Variants in WDR70 observed in about 807,000 individuals in gnomAD.
WDR70 encodes the protein WD repeat-containing protein 70.
A neutral mutation model predicts 88.6 loss-of-function variants in WDR70; 53 were observed. The ratio of observed to expected loss-of-function variants is 0.60; its 90% CI spans 0.48 to 0.75. The LOEUF (loss-of-function observed/expected upper bound fraction) is 0.75, where lower values mean the gene tolerates loss of function less well. WDR70 is among the 30% of genes least tolerant of loss of function. WDR70 has a pLI of 0.00. For synonymous variants in WDR70, 280 were observed against 270.0 expected (o/e 1.04, Z -0.36); for missense variants, 610 against 823.2 (o/e 0.74, Z 3.17).
rs1471245577 is a variant in WDR70, at chr5:37,605,070, G to T, written c.924G>T (p.Val308=). The change falls in exon 10 of 18, where the codon GTG becomes GTT. Residue 308 remains valine, a synonymous_variant. Transcript: ENST00000265107. ...EFMTCSNDAT[V]RTWEVENPKK... ...ATCTCCTGATCATTTTTAGGACTGT[G>T]AGGACGTGGGAAGTTGAAAATCCAA... 6.2e-7 allele frequency: 1 copy of T among 1,605,122 alleles called. No individual in the cohort carries two copies. Among genetic ancestry groups the T allele is most frequent in the South Asian group, 1.1e-5 (1 of 89,272 alleles).
intron 10 of WDR70, among the ~76,000 whole-genome samples, chr5:37,611,550 T>TA (rs1744192389): frequency 4.6e-5 from 7 of 151,852 alleles, no homozygotes; most frequent in Admixed American, 1.3e-4. Flanking sequence ...GGAGATTTTT[T>TA]TAAAAAAATG....
intron 9 of WDR70, among the ~76,000 whole-genome samples, chr5:37,595,602 T>TC (rs1743679081): frequency 6.6e-6 from 1 of 152,204 alleles, no homozygotes; most frequent in Admixed American, 6.5e-5. Flanking sequence ...GTTCTAAAAT[T>TC]CATCTGGAAA....
At chr5:37,670,424 C>T (rs1015495675) in intron 10 of WDR70, among the ~76,000 whole-genome samples, 5 of 152,066 alleles carry the variant, frequency 3.3e-5, no homozygotes, top group African/African-American at 4.8e-5. Flanking sequence ...CAAAGCAAGT[C>T]GCGTGTCCAT....
At chr5:37,393,383 C>G (rs1472752195) in intron 4 of WDR70, among the ~76,000 whole-genome samples, 1 of 152,096 alleles carries the variant, frequency 6.6e-6, no homozygotes, top group Non-Finnish European at 1.5e-5. Flanking sequence ...TAGTTCTGCT[C>G]TGATTTTTTT....
chr5:37,570,983 A>G (rs1035260735), intron 9 of WDR70, among the ~76,000 whole-genome samples: 1 of 151,958 alleles, frequency 6.6e-6, no homozygotes, highest in African/African-American at 2.4e-5. Context: ...CTGACAAGAT[A>G]TTGAATTCCT....
At position 37,514,485 on chromosome 5, in the gene WDR70, C is replaced by G. The variant is rs902377827; in HGVS notation, c.841-2029C>G. Among the ~76,000 whole-genome samples the G allele has an allele frequency of 2.0e-5, 3 of 150,430 alleles. No individual in the cohort carries two copies. In the South Asian group the frequency reaches 6.4e-4, roughly 32 times the overall value. Reference sequence around the variant, plus strand: ...TGGTGATTTGCTGCACAGATCAACCCGTCACCTAGGTATTAACCCCAGCAT... The same window carrying G: ...TGGTGATTTGCTGCACAGATCAACCGGTCACCTAGGTATTAACCCCAGCAT... On this transcript the variant is annotated intron_variant, in intron 8 of 17. Coordinates refer to ENST00000265107, the MANE Select transcript of WDR70 (RefSeq NM_018034.4).
At chr5:37,644,630 CTT>C (rs1010833332) in intron 10 of WDR70, among the ~76,000 whole-genome samples, 2 of 151,814 alleles carry the variant, frequency 1.3e-5, no homozygotes, top group Non-Finnish European at 3.0e-5. Context: ...TGCTGGGAAA[CTT>C]TATTATGGCT....
At chr5:37,586,299 A>T (rs569976609) in intron 9 of WDR70, among the ~76,000 whole-genome samples, 1 of 152,212 alleles carries the variant, frequency 6.6e-6, no homozygotes, top group Non-Finnish European at 1.5e-5. Context: ...CATTCTACTG[A>T]CATTGCTCTT....
chr5:37,694,883 T>G (rs1208571006), intron 10 of WDR70, among the ~76,000 whole-genome samples: 1 of 152,008 alleles, frequency 6.6e-6, no homozygotes, highest in Admixed American at 6.6e-5. Flanking sequence ...TTAGTCATGC[T>G]ACTCCTCTGC....
Position 37,694,378 on chromosome 5 carries a change from C to G in WDR70, c.1093-3277C>G, listed in dbSNP as rs151295936. 1.7e-3 allele frequency among the ~76,000 whole-genome samples: 257 copies of G among 152,220 alleles called. 1 individual carries two copies. Among genetic ancestry groups the G allele is most frequent in the Non-Finnish European group, 2.7e-3 (184 of 68,004 alleles). On this transcript the variant is annotated intron_variant, in intron 10 of 17. Coordinates refer to ENST00000265107, the MANE Select transcript of WDR70 (RefSeq NM_018034.4). ...TACCCAAAGGATCAGATATTATGCT[C>G]CTATAGAGACACGTGCTCACGTATG... is the stretch of plus-strand genomic sequence containing the variant.
chr5:37,572,885 C>T (rs1178518804), intron 9 of WDR70, among the ~76,000 whole-genome samples: 1 of 152,168 alleles, frequency 6.6e-6, no homozygotes, highest in Non-Finnish European at 1.5e-5. Context: ...TTATTACTTC[C>T]CACATCATCT....
chr5:37,601,098 A>G (rs181906545), intron 9 of WDR70, among the ~76,000 whole-genome samples: 1 of 152,140 alleles, frequency 6.6e-6, no homozygotes, highest in Admixed American at 6.5e-5. Context: ...CCTTTTCTTG[A>G]TCTTGGTTTT....
intron 10 of WDR70, among the ~76,000 whole-genome samples, chr5:37,668,482 A>G (rs1397982338): frequency 1.3e-5 from 2 of 152,232 alleles, no homozygotes; most frequent in Non-Finnish European, 2.9e-5. Flanking sequence ...TCTGAAGCAT[A>G]AATTTAGAGT....
intron 10 of WDR70, among the ~76,000 whole-genome samples, chr5:37,690,802 T>C (rs1395722562): frequency 1.3e-5 from 2 of 152,150 alleles, no homozygotes; most frequent in Non-Finnish European, 1.5e-5. Context: ...CTGCATCAAT[T>C]AATGGACAGA....
At chr5:37,546,908 C>T (rs1742016370) in intron 9 of WDR70, among the ~76,000 whole-genome samples, 2 of 149,562 alleles carry the variant, frequency 1.3e-5, no homozygotes, top group Non-Finnish European at 3.0e-5. Context: ...CAGAGTGAGA[C>T]TCTGTCTCAA....
chr5:37,741,895 C>T (rs1053826421), intron 17 of WDR70, among the ~76,000 whole-genome samples: 1 of 152,212 alleles, frequency 6.6e-6, no homozygotes, highest in African/African-American at 2.4e-5. Context: ...TTTCACTTAG[C>T]ATACTGTCTT....
chr5:37,518,445 G>A (rs956996260), intron 9 of WDR70, among the ~76,000 whole-genome samples: 4 of 151,972 alleles, frequency 2.6e-5, no homozygotes, highest in African/African-American at 9.7e-5. Flanking sequence ...AAATAAGTGA[G>A]AACATGCAAT....
In WDR70 at chr5:37,395,324, C is replaced by T. The variant is rs149723817; in HGVS notation, c.297-1051C>T. Among the ~76,000 whole-genome samples the T allele has an allele frequency of 1.2e-4, 18 of 152,182 alleles. No homozygotes were observed. The East Asian group carries it at 1.9e-3, about 16-fold the overall frequency. On this transcript the variant is annotated intron_variant, in intron 4 of 17. Transcript: ENST00000265107. ...ATGCTATGCCCTAGACTCTCAAGCC[C>T]GTCCAACCTGCGTTATATTGTTGTT...
intron 10 of WDR70, among the ~76,000 whole-genome samples, chr5:37,619,115 AT>A (rs1242123024): frequency 6.6e-6 from 1 of 152,124 alleles, no homozygotes; most frequent in Non-Finnish European, 1.5e-5. Flanking sequence ...ATGGTGCCTT[AT>A]TTTTTAATGG....
Sources: gnomAD v4.1 joint callset for allele counts (sites outside exome capture counted in the v4.1 genomes callset) on GRCh38, gnomAD v4.1.1 for gene constraint, MANE v1.5 for transcripts, NCBI Gene and HGNC (gene_info 2026-07-23, HGNC 2026-07-21) for gene names.